TSHZ2: variants seen among roughly 807,000 people sequenced by gnomAD.
TSHZ2 encodes the protein teashirt homolog 2.
In TSHZ2, 21 loss-of-function variants were observed where a neutral mutation model predicts 74.4. The observed-to-expected ratio is 0.28, with a 90% CI of 0.20 to 0.41. TSHZ2 has a LOEUF of 0.41. Ranked by LOEUF, TSHZ2 falls within the 10% of genes least tolerant of loss-of-function variation. The probability of loss-of-function intolerance (pLI) is 1.00; values close to 1 mark genes in which losing one functional copy is unlikely to be tolerated. For synonymous variants in TSHZ2, 540 were observed against 515.3 expected, an observed-to-expected ratio of 1.05 and a Z score of -0.65; for missense variants, 1,244 against 1,293.5, an observed-to-expected ratio of 0.96 and a Z score of 0.59.
intron 2 of TSHZ2, among the ~76,000 whole-genome samples, chr20:53,468,153 G>T (rs965826987): frequency 6.6e-6 from 1 of 152,158 alleles, no homozygotes; most frequent in Non-Finnish European, 1.5e-5. Flanking sequence ...GTGGAGGGGG[G>T]TGGAGTAGAT....
chr20:53,001,700 T>C (rs1428579080), intron 1 of TSHZ2, among the ~76,000 whole-genome samples: 1 of 152,194 alleles, frequency 6.6e-6, no homozygotes, highest in African/African-American at 2.4e-5. Context: ...TTCTGTTTCA[T>C]TTTGAAAGAA....
At chr20:53,050,936 C>A (rs546112843) in intron 1 of TSHZ2, among the ~76,000 whole-genome samples, 1 of 152,330 alleles carries the variant, frequency 6.6e-6, no homozygotes, top group South Asian at 2.1e-4. Context: ...ACAATATTTA[C>A]TATCTTTACT....
At chr20:53,236,009 G>A (rs1989931876) in intron 1 of TSHZ2, among the ~76,000 whole-genome samples, 1 of 152,208 alleles carries the variant, frequency 6.6e-6, no homozygotes, top group Non-Finnish European at 1.5e-5. Flanking sequence ...GCACCACTGA[G>A]TAACAGCAGC....
chr20:53,154,812 A>G (rs1018689966), intron 1 of TSHZ2, among the ~76,000 whole-genome samples: 3 of 152,224 alleles, frequency 2.0e-5, no homozygotes, highest in African/African-American at 4.8e-5. Flanking sequence ...GACAATCTAT[A>G]TAAAGCACAT....
rs545456250 is a variant in TSHZ2 at position 53,054,200 on chromosome 20, A to G, written c.40+80867A>G. On this transcript the variant is annotated intron_variant, in intron 1 of 2. Coordinates refer to ENST00000371497, the MANE Select transcript of TSHZ2 (RefSeq NM_173485.6). ...CCCTTCTCACTCATATTTCACACAG[A>G]TGCAGCCACGGTCCAACTTTGTTAC... 2.6e-5 allele frequency among the ~76,000 whole-genome samples: 4 copies of G among 152,330 alleles called. No homozygotes were observed. In the South Asian group the frequency reaches 8.3e-4, roughly 32 times the overall value.
At chr20:53,238,327 G>A (rs147104119) in intron 1 of TSHZ2, among the ~76,000 whole-genome samples, 12 of 152,272 alleles carry the variant, frequency 7.9e-5, no homozygotes, top group Non-Finnish European at 1.6e-4. Context: ...GGAACATAGT[G>A]TAGTTCACCA....
At chr20:53,026,880 G>A (rs890163290) in intron 1 of TSHZ2, among the ~76,000 whole-genome samples, 2 of 152,050 alleles carry the variant, frequency 1.3e-5, no homozygotes, top group African/African-American at 4.8e-5. Flanking sequence ...GCTCATGCCT[G>A]TAATCCCAGC....
intron 2 of TSHZ2, among the ~76,000 whole-genome samples, chr20:53,370,834 G>T (rs1239928175): frequency 1.3e-5 from 2 of 152,170 alleles, no homozygotes; most frequent in Non-Finnish European, 2.9e-5. Context: ...GGGATGGCAC[G>T]TTCATTTCCT....
intron 1 of TSHZ2, among the ~76,000 whole-genome samples, chr20:52,984,996 C>G (rs1049660327): frequency 2.0e-5 from 3 of 152,208 alleles, no homozygotes; most frequent in Non-Finnish European, 4.4e-5. Flanking sequence ...GTCTATCGTT[C>G]TCTGAGCCAA....
chr20:52,996,764 C>A (rs1982210959), intron 1 of TSHZ2, among the ~76,000 whole-genome samples: 2 of 152,150 alleles, frequency 1.3e-5, no homozygotes, highest in Admixed American at 1.3e-4. Flanking sequence ...TTGATGTGTG[C>A]ATGTGACAGT....
chr20:53,334,934 G>A (rs746773266), intron 2 of TSHZ2, among the ~76,000 whole-genome samples: 17 of 151,982 alleles, frequency 1.1e-4, no homozygotes, highest in South Asian at 4.2e-4. Context: ...CACCAGCCTC[G>A]GCCTCTCAAA....
chr20:53,486,469 G>A (rs1193472872), intron 2 of TSHZ2, among the ~76,000 whole-genome samples: 2 of 152,106 alleles, frequency 1.3e-5, no homozygotes, highest in Non-Finnish European at 2.9e-5. Flanking sequence ...TTGAGAGGCT[G>A]AGGTGGGAGG....
intron 2 of TSHZ2, among the ~76,000 whole-genome samples, chr20:53,334,885 TA>T: frequency 6.6e-6 from 1 of 152,176 alleles, no homozygotes; most frequent in South Asian, 2.1e-4. Context: ...GGTTTCACCA[TA>T]TTAGCCAGGC....
chr20:53,340,176 TCTTTTTTC>T lies in TSHZ2; in HGVS notation c.*8+83606_*8+83613del, dbSNP rs1159740217. On this transcript the variant is annotated intron_variant, in intron 2 of 2. Coordinates refer to ENST00000371497, the MANE Select transcript of TSHZ2 (RefSeq NM_173485.6). Reference sequence around the variant, plus strand: ...AGGATAAAACAAGGTGACTTTTCTTTCTTTTTTCTTTTTTTTTTTTTTTTGAGATGGAG... The same window carrying T: ...AGGATAAAACAAGGTGACTTTTCTTTTTTTTTTTTTTTTTTTGAGATGGAG... Among the ~76,000 whole-genome samples the T allele has an allele frequency of 5.9e-4, 35 of 59,672 alleles. 2 individuals carry two copies. The highest frequency in any genetic ancestry group is 3.2e-3 in the African/African-American group (35 of 10,932). 39.1% of individuals were successfully genotyped at this position (59,672 alleles called of 152,430 possible).
intron 1 of TSHZ2, among the ~76,000 whole-genome samples, chr20:53,050,110 TATATATATATATATACAC>T (rs1984380864): frequency 1.1e-5 from 1 of 93,800 alleles, no homozygotes; most frequent in African/African-American, 8.2e-5. Flanking sequence ...TGTGTATATA[TATATATATATATATACAC>T]ATATATATAT....
chr20:53,163,936 C>T (rs1988006801), intron 1 of TSHZ2, among the ~76,000 whole-genome samples: 1 of 152,094 alleles, frequency 6.6e-6, no homozygotes, highest in Admixed American at 6.5e-5. Context: ...CTGGTTTTCT[C>T]CATTAATTAT....
chr20:53,046,745 A>T (rs1341933582), intron 1 of TSHZ2, among the ~76,000 whole-genome samples: 1 of 152,162 alleles, frequency 6.6e-6, no homozygotes, highest in Admixed American at 6.5e-5. Flanking sequence ...CAGCCCCATG[A>T]CCTTAAACAA....
At chr20:53,197,211 G>A (rs1988891869) in intron 1 of TSHZ2, among the ~76,000 whole-genome samples, 1 of 152,206 alleles carries the variant, frequency 6.6e-6, no homozygotes, top group Non-Finnish European at 1.5e-5. Context: ...TATTTATGAT[G>A]TATTTAGATA....
chr20:53,200,086 A>G (rs763848632), intron 1 of TSHZ2, among the ~76,000 whole-genome samples: 1 of 152,220 alleles, frequency 6.6e-6, no homozygotes, highest in African/African-American at 2.4e-5. Context: ...GCAAGAACAT[A>G]TTATGGAACA....
Sources: gnomAD v4.1 joint callset for allele counts (sites outside exome capture counted in the v4.1 genomes callset) on GRCh38, gnomAD v4.1.1 for gene constraint, MANE v1.5 for transcripts, NCBI Gene and HGNC (gene_info 2026-07-23, HGNC 2026-07-21) for gene names.